The following RIMS2 variants were observed in gnomAD, a reference collection of about 807,000 sequenced individuals.
RIMS2 encodes regulating synaptic membrane exocytosis protein 2.
Under a neutral mutation model 174.4 loss-of-function variants are expected in RIMS2, and 59 were observed. That is an observed-to-expected ratio of 0.34 (90% CI 0.27 to 0.42). The LOEUF (loss-of-function observed/expected upper bound fraction) is 0.42. RIMS2 is among the 10% of genes least tolerant of loss of function. The pLI is 1.00. For synonymous variants in RIMS2, 606 were observed against 572.5 expected (o/e 1.06, Z -0.84); for missense variants, 1,620 against 1,666.3 (o/e 0.97, Z 0.48).
rs1367673268 is a variant in RIMS2, at chr8:104,016,952, A to G, written c.3334+2337A>G. Among the ~76,000 whole-genome samples, 5 of 151,906 alleles carry G rather than the reference A, an allele frequency of 3.3e-5. No homozygotes were observed. The South Asian group carries it at 1.0e-3, about 31-fold the overall frequency. ...CCACAGTTTTCCTTTAAAGTCCCCA[A>G]TTGTGATTTTTCCATTTTTTTTATT... On this transcript the variant is annotated intron_variant, in intron 19 of 23. Coordinates refer to ENST00000504942, the Ensembl canonical transcript of RIMS2.
intron 1 of RIMS2, among the ~76,000 whole-genome samples, chr8:103,681,013 A>G (rs760053815): frequency 2.0e-5 from 3 of 152,034 alleles, no homozygotes; most frequent in African/African-American, 7.2e-5. Flanking sequence ...TATGGCATAG[A>G]TATATTAAAG....
chr8:104,070,096 A>G (rs1288527839), intron 19 of RIMS2, among the ~76,000 whole-genome samples: 1 of 152,158 alleles, frequency 6.6e-6, no homozygotes, highest in African/African-American at 2.4e-5. Context: ...CTCAAGAACT[A>G]ATTAAGTAAA....
intron 1 of RIMS2, among the ~76,000 whole-genome samples, chr8:103,580,642 T>A (rs532625249): frequency 2.6e-5 from 4 of 151,974 alleles, no homozygotes; most frequent in African/African-American, 9.7e-5. Flanking sequence ...GATTTAACCA[T>A]GAAGAAATAG....
intron 3 of RIMS2, among the ~76,000 whole-genome samples, chr8:103,866,586 A>C (rs1269705611): frequency 6.6e-6 from 1 of 152,134 alleles, no homozygotes; most frequent in Non-Finnish European, 1.5e-5. Flanking sequence ...ATTTTGCTAC[A>C]TACCTAAGCA....
intron 19 of RIMS2, among the ~76,000 whole-genome samples, chr8:104,244,365 G>A (rs948248846): frequency 4.6e-5 from 7 of 152,140 alleles, no homozygotes; most frequent in Admixed American, 4.6e-4. Flanking sequence ...TCTCTCCTTT[G>A]TGTAGATTCT....
At chr8:104,095,981 ATG>A (rs2097756224) in intron 19 of RIMS2, among the ~76,000 whole-genome samples, 2 of 152,292 alleles carry the variant, frequency 1.3e-5, no homozygotes, top group African/African-American at 4.8e-5. Context: ...AAACATAAAA[ATG>A]AATCTTAAGG....
At chr8:103,589,238 A>C (rs1351239925) in intron 1 of RIMS2, among the ~76,000 whole-genome samples, 1 of 151,726 alleles carries the variant, frequency 6.6e-6, no homozygotes, top group Non-Finnish European at 1.5e-5. Flanking sequence ...TGTAGGAAAA[A>C]ATCTAATAAT....
intron 1 of RIMS2, among the ~76,000 whole-genome samples, chr8:103,616,285 T>C (rs529360133): frequency 1.3e-5 from 2 of 152,320 alleles, no homozygotes; most frequent in African/African-American, 2.4e-5. Flanking sequence ...ATTGTCTCAA[T>C]AGATGCAGAA....
intron 3 of RIMS2, among the ~76,000 whole-genome samples, chr8:103,786,790 C>A (rs1166251075): frequency 6.6e-6 from 1 of 152,146 alleles, no homozygotes; most frequent in Admixed American, 6.5e-5. Flanking sequence ...ATTAAGTCCG[C>A]TTGGTGCAGA....
At chr8:104,199,603 G>C (rs548086180) in intron 19 of RIMS2, among the ~76,000 whole-genome samples, 82 of 152,286 alleles carry the variant, frequency 5.4e-4, no homozygotes, top group African/African-American at 1.9e-3. Context: ...CCCAAAGAAT[G>C]AGTAAGAGAA....
At chr8:103,876,909 T>TATGTATACAC (rs71297243) in intron 3 of RIMS2, among the ~76,000 whole-genome samples, 1 of 66,112 alleles carries the variant, frequency 1.5e-5, no homozygotes, top group African/African-American at 4.2e-5. Flanking sequence ...TATATATATA[T>TATGTATACAC]ACACACACAC....
chr8:104,226,848 C>G (rs1397968241), intron 19 of RIMS2, among the ~76,000 whole-genome samples: 1 of 152,094 alleles, frequency 6.6e-6, no homozygotes, highest in Non-Finnish European at 1.5e-5. Flanking sequence ...AGATATAAAC[C>G]CAAAATCTGT....
intron 1 of RIMS2, among the ~76,000 whole-genome samples, chr8:103,548,837 C>G (rs570225732): frequency 8.0e-4 from 121 of 152,158 alleles, no homozygotes; most frequent in African/African-American, 2.6e-3. Context: ...GGTACCAAAT[C>G]AGTGTACAAA....
At chr8:103,812,677 AG>A (rs1451378610) in intron 3 of RIMS2, among the ~76,000 whole-genome samples, 2 of 152,092 alleles carry the variant, frequency 1.3e-5, no homozygotes, top group Admixed American at 1.3e-4. Flanking sequence ...CCACCATGCC[AG>A]GCCCAAATTA....
intron 1 of RIMS2, among the ~76,000 whole-genome samples, chr8:103,603,262 C>T (rs1485659801): frequency 6.6e-6 from 1 of 151,016 alleles, no homozygotes; most frequent in Non-Finnish European, 1.5e-5. Flanking sequence ...GTTTTTTGTT[C>T]TTGCGATAGT....
intron 15 of RIMS2, among the ~76,000 whole-genome samples, chr8:103,967,850 G>GTTTTTT: frequency 8.6e-6 from 1 of 116,568 alleles, no homozygotes; most frequent in Non-Finnish European, 1.9e-5. Context: ...ACCTACTCCT[G>GTTTTTT]CTTTTTTTTT....
chr8:103,585,560 G>T (rs890511250), intron 1 of RIMS2, among the ~76,000 whole-genome samples: 1 of 152,032 alleles, frequency 6.6e-6, no homozygotes, highest in Non-Finnish European at 1.5e-5. Flanking sequence ...CCATAAAAAA[G>T]AATGACTTCA....
At chr8:104,185,817 A>G (rs1450571669) in intron 19 of RIMS2, among the ~76,000 whole-genome samples, 1 of 151,684 alleles carries the variant, frequency 6.6e-6, no homozygotes, top group Non-Finnish European at 1.5e-5. Context: ...GAAAAACAGT[A>G]TGAAGATTTC....
chr8:103,677,909 A>G (rs768770709), intron 1 of RIMS2, among the ~76,000 whole-genome samples: 7 of 152,138 alleles, frequency 4.6e-5, no homozygotes, highest in Non-Finnish European at 1.0e-4. Flanking sequence ...TTTATTCTGT[A>G]TGTATGTGTG....
Sources: allele counts gnomAD v4.1 joint callset (sites outside exome capture counted in the v4.1 genomes callset), GRCh38; gene constraint gnomAD v4.1.1; transcripts MANE v1.5; gene names NCBI Gene and HGNC (gene_info 2026-07-23, HGNC 2026-07-21).